Variants in CLASP1 observed in about 807,000 individuals in gnomAD.
The protein encoded by CLASP1 is CLIP-associating protein 1.
A neutral mutation model predicts 192.3 loss-of-function variants in CLASP1; 38 were observed. The observed-to-expected ratio is 0.20, with a 90% CI of 0.15 to 0.26. CLASP1 has a LOEUF of 0.26. Ranked by LOEUF, CLASP1 falls within the 10% of genes least tolerant of loss-of-function variation. The probability of loss-of-function intolerance (pLI) is 1.00; values close to 1 mark genes in which losing one functional copy is unlikely to be tolerated. For synonymous variants in CLASP1, 691 were observed against 712.8 expected, an observed-to-expected ratio of 0.97 and a Z score of 0.49; for missense variants, 1,433 against 1,932.5, an observed-to-expected ratio of 0.74 and a Z score of 4.85.
chr2:121,531,206 A>G (rs1337486372), intron 2 of CLASP1, among the ~76,000 whole-genome samples: 3 of 152,108 alleles, frequency 2.0e-5, no homozygotes, highest in Non-Finnish European at 4.4e-5. Flanking sequence ...GCCGATCATC[A>G]ACTGTTCTGT....
chr2:121,615,496 G>A (rs2066299777), intron 1 of CLASP1, among the ~76,000 whole-genome samples: 1 of 151,930 alleles, frequency 6.6e-6, no homozygotes, highest in Non-Finnish European at 1.5e-5. Context: ...AGCTCAGAAA[G>A]GTTAAAAAAA....
chr2:121,352,976 TCA>T (rs1388915288), intron 37 of CLASP1, among the ~76,000 whole-genome samples: 2 of 152,178 alleles, frequency 1.3e-5, no homozygotes, highest in African/African-American at 4.8e-5. Flanking sequence ...GTATCTACTT[TCA>T]CAGTTATCTG....
chr2:121,533,153 G>A lies in CLASP1; in HGVS notation c.196-2828C>T, dbSNP rs552526807. 1.1e-3 allele frequency among the ~76,000 whole-genome samples: 164 copies of A among 152,244 alleles called. 1 individual carries two copies. The highest frequency in any genetic ancestry group is 1.5e-3 in the Non-Finnish European group (104 of 68,020). ...GCCCCGGACAGTCAAGTTTCAATGC[G>A]TTGCCTAGAGGAACTGGGGAGCCTG... is the stretch of plus-strand genomic sequence containing the variant. On this transcript the variant is annotated intron_variant, in intron 2 of 39. Transcript: ENST00000263710.
rs984621933 is a variant in CLASP1 at position 121,495,534 on chromosome 2, G to A, written c.712+7633C>T. Among the ~76,000 whole-genome samples, 4 of 151,924 alleles carry A rather than the reference G, an allele frequency of 2.6e-5. No individual in the cohort carries two copies. The East Asian group carries it at 5.8e-4, about 22-fold the overall frequency. The stretch of plus-strand genomic sequence containing the variant: ...AAATTCGCTGGGCATGGTGGTGAGC[G>A]CCTGTAATCCCAGCTACTTGGGAGG... On this transcript the variant is annotated intron_variant, in intron 8 of 39. Coordinates refer to ENST00000263710, the Ensembl canonical transcript of CLASP1.
At chr2:121,359,498 A>G (rs2065966041) in intron 37 of CLASP1, among the ~76,000 whole-genome samples, 1 of 152,198 alleles carries the variant, frequency 6.6e-6, no homozygotes, top group South Asian at 2.1e-4. Context: ...TCTAACAAAC[A>G]GATTACAAAT....
Position 121,398,410 on chromosome 2 carries a change from T to TG in CLASP1, c.2901-11dup. On this transcript the variant is annotated splice_polypyrimidine_tract_variant and intron_variant, in intron 28 of 39. Coordinates refer to ENST00000263710, the Ensembl canonical transcript of CLASP1. ...AAATGGAAAGGAGTCCCTAGGTTGG[T>TG]GGGAAAAAAGTGCTTATTTTTAAAG... 5 of 1,564,926 alleles carry TG rather than the reference T, an allele frequency of 3.2e-6. No homozygotes were observed. The highest frequency in any genetic ancestry group is 4.3e-6 in the Non-Finnish European group (5 of 1,153,438).
At chr2:121,640,038 C>T (rs2071730071) in intron 1 of CLASP1, among the ~76,000 whole-genome samples, 3 of 152,134 alleles carry the variant, frequency 2.0e-5, no homozygotes, top group Admixed American at 1.3e-4. Flanking sequence ...TACTATGCAG[C>T]CATAAAAAAG....
chr2:121,540,317 G>T (rs888783098), intron 2 of CLASP1, among the ~76,000 whole-genome samples: 1 of 152,146 alleles, frequency 6.6e-6, no homozygotes, highest in Non-Finnish European at 1.5e-5. Context: ...CAAAAGGCCA[G>T]AAACATACCC....
At chr2:121,395,929 T>C (rs968881775) in intron 30 of CLASP1, among the ~76,000 whole-genome samples, 2 of 152,204 alleles carry the variant, frequency 1.3e-5, no homozygotes, top group African/African-American at 4.8e-5. Context: ...ATCAAGACTA[T>C]ATCAGTAGTC....
chr2:121,353,160 T>C (rs764932397), intron 37 of CLASP1, among the ~76,000 whole-genome samples: 1 of 151,988 alleles, frequency 6.6e-6, no homozygotes, highest in South Asian at 2.1e-4. Context: ...AGAAACCCCA[T>C]CTCAAACAAA....
chr2:121,353,990 G>A (rs890262569), intron 37 of CLASP1, among the ~76,000 whole-genome samples: 2 of 152,046 alleles, frequency 1.3e-5, no homozygotes, highest in African/African-American at 2.4e-5. Flanking sequence ...ATGGGGTCTC[G>A]CTATGTTACC....
At chr2:121,345,654 C>T (rs1218829701) in intron 39 of CLASP1, among the ~76,000 whole-genome samples, 1 of 152,130 alleles carries the variant, frequency 6.6e-6, no homozygotes, top group Non-Finnish European at 1.5e-5. Context: ...AGCAGTAGGG[C>T]AAGGAGAAGG....
intron 7 of CLASP1, among the ~76,000 whole-genome samples, chr2:121,503,584 G>A (rs1017033764): frequency 6.6e-6 from 1 of 152,208 alleles, no homozygotes; most frequent in African/African-American, 2.4e-5. Flanking sequence ...CTTATGAGAA[G>A]TGTGTGTTTC....
chr2:121,364,646 CTT>C (rs2067041103), intron 36 of CLASP1: 1 of 169,810 alleles, frequency 5.9e-6, no homozygotes. Context: ...TATTGGAACT[CTT>C]AACATATGTA....
intron 2 of CLASP1, among the ~76,000 whole-genome samples, chr2:121,562,916 G>A (rs1286832906): frequency 6.6e-6 from 1 of 152,152 alleles, no homozygotes; most frequent in African/African-American, 2.4e-5. Flanking sequence ...AATTTAAAAT[G>A]TTATATGCAC....
In CLASP1 at chr2:121,405,712, A is replaced by AGCG. The variant is rs1261987388; in HGVS notation, c.2670-1279_2670-1278insCGC. Among the ~76,000 whole-genome samples the AGCG allele has an allele frequency of 1.0e-4, 14 of 138,860 alleles. No homozygotes were observed. In the East Asian group the frequency reaches 2.8e-3, roughly 28 times the overall value. The allele number at this position is 138,860 out of a possible 152,430, so 91.1% of individuals were successfully genotyped here. On this transcript the variant is annotated intron_variant, in intron 25 of 39. Coordinates refer to ENST00000263710, the Ensembl canonical transcript of CLASP1. ...CTTGGTGAACACTAAGAATCTACAA[A>AGCG]GTGGGACCACCAGGATTAAACAGAT... is the stretch of plus-strand genomic sequence containing the variant.
intron 2 of CLASP1, chr2:121,530,722 GGA>G (rs759552290): frequency 8.0e-5 from 41 of 514,980 alleles, no homozygotes; most frequent in African/African-American, 4.2e-4. Context: ...CGACCCTTCG[GGA>G]GCCTCAGAAA....
chr2:121,601,618 C>A (rs2063797358), intron 2 of CLASP1, among the ~76,000 whole-genome samples: 2 of 152,126 alleles, frequency 1.3e-5, no homozygotes, highest in Non-Finnish European at 2.9e-5. Context: ...CCCACTCTCA[C>A]CCTCTTTTTC....
intron 14 of CLASP1, among the ~76,000 whole-genome samples, 178 bp from the exon 15 acceptor site, chr2:121,452,027 T>C (rs1331145562): frequency 6.6e-6 from 1 of 151,964 alleles, no homozygotes; most frequent in Non-Finnish European, 1.5e-5. Context: ...CCAAAGCAAA[T>C]GAAAGTAATT....
Sources: allele counts gnomAD v4.1 joint callset (sites outside exome capture counted in the v4.1 genomes callset), GRCh38; gene constraint gnomAD v4.1.1; transcripts MANE v1.5; gene names NCBI Gene and HGNC (gene_info 2026-07-23, HGNC 2026-07-21).